KLRG1: variants seen among roughly 807,000 people sequenced by gnomAD.
The protein encoded by KLRG1 is killer cell lectin-like receptor subfamily G member 1.
Under a neutral mutation model 21.8 loss-of-function variants are expected in KLRG1, and 16 were observed. That is an observed-to-expected ratio of 0.73 (90% confidence interval 0.50 to 1.11). The LOEUF (loss-of-function observed/expected upper bound fraction) is 1.11, where lower values mean the gene tolerates loss of function less well. Ranked by LOEUF, KLRG1 falls within the 50% of genes most tolerant of loss-of-function variation. The pLI is 0.00. For missense variants in KLRG1, 173 were observed against 218.3 expected (o/e 0.79, Z 1.31); for synonymous variants, 69 against 75.9 (o/e 0.91, Z 0.47).
upstream of KLRG1, among the ~76,000 whole-genome samples, chr12:8,985,558 C>T (rs1410604069): frequency 6.6e-6 from 1 of 152,206 alleles, no homozygotes; most frequent in Non-Finnish European, 1.5e-5. Flanking sequence ...GAACATCTGA[C>T]CAATAAGCTT....
the KLRG1 span, among the ~76,000 whole-genome samples, chr12:9,213,379 T>C: frequency 2.6e-5 from 4 of 152,170 alleles, no homozygotes; most frequent in Non-Finnish European, 4.4e-5. Flanking sequence ...GCTCAGTGTT[T>C]AACTTTTTGC....
At chr12:9,163,667 CCTCCA>C in the KLRG1 span, 4 of 1,612,920 alleles carry the variant, frequency 2.5e-6, no homozygotes, top group Non-Finnish European at 3.4e-6. Context: ...AAATATGTTA[CCTCCA>C]CCAACAGGGT....
chr12:9,047,451 G>A, the KLRG1 span, among the ~76,000 whole-genome samples: 5 of 151,990 alleles, frequency 3.3e-5, no homozygotes, highest in Non-Finnish European at 5.9e-5. Flanking sequence ...TAAGAGATGA[G>A]ACAAAATGAA....
intron 1 of KLRG1, among the ~76,000 whole-genome samples, chr12:8,973,385 GA>G (rs749976373): frequency 3.3e-5 from 5 of 152,070 alleles, no homozygotes; most frequent in African/African-American, 4.8e-5. Context: ...TTGCCCTCAT[GA>G]ATGGAATTCA....
At chr12:9,128,865 T>C in the KLRG1 span, among the ~76,000 whole-genome samples, 1 of 152,222 alleles carries the variant, frequency 6.6e-6, no homozygotes, top group African/African-American at 2.4e-5. Context: ...TGCGGGTATT[T>C]CATACTCGCT....
At chr12:9,193,590 T>C in the KLRG1 span, among the ~76,000 whole-genome samples, 3 of 152,166 alleles carry the variant, frequency 2.0e-5, no homozygotes, top group East Asian at 5.8e-4. Flanking sequence ...ACAGAAATAA[T>C]GTATATGTTA....
chr12:9,044,541 C>A, the KLRG1 span, among the ~76,000 whole-genome samples: 1 of 152,004 alleles, frequency 6.6e-6, no homozygotes, highest in South Asian at 2.1e-4. Flanking sequence ...GTGGCGTGCA[C>A]CTATAGTCCC....
the KLRG1 span, chr12:9,165,324 T>C: frequency 6.2e-7 from 1 of 1,614,124 alleles, no homozygotes; most frequent in African/African-American, 1.3e-5. Context: ...CACTCGGTGA[T>C]GGTGTCAGGG....
the KLRG1 span, among the ~76,000 whole-genome samples, chr12:9,104,879 G>T: frequency 1.3e-5 from 2 of 152,250 alleles, no homozygotes; most frequent in South Asian, 2.1e-4. Context: ...ATAGATTAGT[G>T]TCTGAAGTCT....
the KLRG1 span, chr12:9,208,211 G>A: frequency 6.9e-7 from 1 of 1,441,788 alleles, no homozygotes; most frequent in Non-Finnish European, 9.8e-7. Flanking sequence ...AGACACAAGG[G>A]AGAGACTGAA....
At chr12:8,999,028 T>C (rs1236571293) in intron 3 of KLRG1, among the ~76,000 whole-genome samples, 2 of 151,944 alleles carry the variant, frequency 1.3e-5, no homozygotes, top group Non-Finnish European at 2.9e-5. Flanking sequence ...AGTGAGATGC[T>C]TTCTTATTAT....
intron 3 of KLRG1, among the ~76,000 whole-genome samples, 164 bp downstream of exon 3, chr12:8,995,452 T>G (rs1442746403): frequency 6.6e-6 from 1 of 152,134 alleles, no homozygotes; most frequent in African/African-American, 2.4e-5. Context: ...CTCTTTCCTC[T>G]TCTACTTCTG....
the KLRG1 span, among the ~76,000 whole-genome samples, chr12:9,080,857 T>A: frequency 6.6e-6 from 1 of 152,096 alleles, no homozygotes; most frequent in Non-Finnish European, 1.5e-5. Context: ...ATAAAATTCA[T>A]ATTAAAATGT....
chr12:9,120,886 T>TGTGTGTGTGTGTGTGTG, the KLRG1 span, among the ~76,000 whole-genome samples: 1 of 147,964 alleles, frequency 6.8e-6, no homozygotes, highest in African/African-American at 2.5e-5. Context: ...TGTGTGTGTA[T>TGTGTGTGTGTGTGTGTG]TTTTTTTTTT....
chr12:9,080,141 G>A, the KLRG1 span: 3 of 1,588,330 alleles, frequency 1.9e-6, no homozygotes, highest in Admixed American at 3.5e-5. Context: ...CACATTTGGT[G>A]GCAGTTTCAG....
the KLRG1 span, among the ~76,000 whole-genome samples, chr12:9,042,604 G>C: frequency 6.6e-6 from 1 of 152,186 alleles, no homozygotes; most frequent in Non-Finnish European, 1.5e-5. Flanking sequence ...AAGGTAGAGA[G>C]GGACCTGTCT....
the KLRG1 span, chr12:9,068,833 G>C: frequency 2.5e-6 from 4 of 1,593,208 alleles, no homozygotes; most frequent in South Asian, 4.7e-5. Context: ...CTCAGTGTCT[G>C]ATTTGACACC....
chr12:9,020,230 A>G, the KLRG1 span, among the ~76,000 whole-genome samples: 5 of 152,172 alleles, frequency 3.3e-5, no homozygotes, highest in Non-Finnish European at 7.3e-5. Context: ...TTTAAAAAAT[A>G]ACTTGATTAA....
the KLRG1 span, among the ~76,000 whole-genome samples, chr12:9,022,696 G>A: frequency 2.0e-5 from 3 of 152,064 alleles, no homozygotes; most frequent in Non-Finnish European, 2.9e-5. Flanking sequence ...CATTAATGAT[G>A]GCCAATGATG....
Sources: gnomAD v4.1 joint callset for allele counts (sites outside exome capture counted in the v4.1 genomes callset) on GRCh38, gnomAD v4.1.1 for gene constraint, MANE v1.5 for transcripts, NCBI Gene and HGNC (gene_info 2026-07-23, HGNC 2026-07-21) for gene names.